The following HDAC9 variants were observed in gnomAD, a reference collection of about 807,000 sequenced individuals.
The protein encoded by HDAC9 is MEF-2 interacting transcription repressor (MITR) protein.
In HDAC9, 41 loss-of-function variants were observed where a neutral mutation model predicts 139.4. The ratio of observed to expected loss-of-function variants is 0.29; its 90% CI spans 0.23 to 0.38. The LOEUF (loss-of-function observed/expected upper bound fraction) is 0.38. HDAC9 is among the 10% of genes least tolerant of loss of function. The pLI, the probability that HDAC9 is intolerant of heterozygous loss-of-function variation, is 1.00. For synonymous variants in HDAC9, 517 were observed against 476.2 expected (o/e 1.09, Z -1.12); for missense variants, 1,147 against 1,297.0 (o/e 0.88, Z 1.78).
At chr7:18,575,023 C>T (rs961955469) in intron 2 of HDAC9, among the ~76,000 whole-genome samples, 2 of 152,240 alleles carry the variant, frequency 1.3e-5, no homozygotes, top group African/African-American at 4.8e-5. Flanking sequence ...GAGTGGGCAG[C>T]CCCCGCCCCC....
chr7:18,426,946 TTTTC>T (rs1250852316), intron 1 of HDAC9, among the ~76,000 whole-genome samples: 2 of 152,190 alleles, frequency 1.3e-5, no homozygotes, highest in Admixed American at 6.5e-5. Flanking sequence ...TCAGGGGCTG[TTTTC>T]TTTCTTTTTT....
At chr7:18,807,763 TC>T (rs1363704445) in intron 17 of HDAC9, among the ~76,000 whole-genome samples, 2 of 152,228 alleles carry the variant, frequency 1.3e-5, no homozygotes, top group Non-Finnish European at 2.9e-5. Flanking sequence ...ATTCCTAGTT[TC>T]ATACTCTTGT....
intron 1 of HDAC9, among the ~76,000 whole-genome samples, chr7:18,162,024 A>G (rs1204826319): frequency 1.3e-5 from 2 of 152,176 alleles, no homozygotes; most frequent in African/African-American, 2.4e-5. Context: ...CTCTGTTCAC[A>G]ATATTCCTGT....
intron 21 of HDAC9, among the ~76,000 whole-genome samples, chr7:18,867,320 T>C (rs934733518): frequency 2.0e-5 from 3 of 152,188 alleles, no homozygotes; most frequent in Non-Finnish European, 2.9e-5. Flanking sequence ...TCTCCTACGA[T>C]GGCATATCCA....
chr7:18,315,571 G>C (rs1040991852), intron 1 of HDAC9, among the ~76,000 whole-genome samples: 2 of 152,186 alleles, frequency 1.3e-5, no homozygotes, highest in Non-Finnish European at 2.9e-5. Context: ...CTTTAGGCTA[G>C]GATCAGAGAC....
intron 2 of HDAC9, among the ~76,000 whole-genome samples, chr7:18,575,545 A>G (rs1225418017): frequency 1.3e-5 from 2 of 152,260 alleles, no homozygotes; most frequent in African/African-American, 4.8e-5. Context: ...CCATGTTGTC[A>G]CGTGTCAGCA....
chr7:18,786,470 CG>C (rs1791738979), intron 16 of HDAC9, among the ~76,000 whole-genome samples: 257 of 20,676 alleles, frequency 0.012, no homozygotes, highest in African/African-American at 0.02. Flanking sequence ...TCCTTCCTTT[CG>C]TCCTTCCTTC....
intron 2 of HDAC9, among the ~76,000 whole-genome samples, chr7:18,572,107 G>A (rs1277836872): frequency 6.6e-6 from 1 of 151,514 alleles, no homozygotes; most frequent in African/African-American, 2.4e-5. Context: ...TGTTAGAGAA[G>A]GATATTTGCT....
chr7:18,748,111 A>C lies in HDAC9; in HGVS notation c.1910-894A>C, dbSNP rs185413668. Among the ~76,000 whole-genome samples the C allele has an allele frequency of 5.3e-5, 8 of 152,278 alleles. No homozygotes were observed. The East Asian group carries it at 1.5e-3, about 29-fold the overall frequency. ...TTTGCAAGTAACATGTTTCCACCTC[A>C]AGGAATAGGTTTATGGGTAGAAATC... is the stretch of plus-strand genomic sequence containing the variant. On this transcript the variant is annotated intron_variant, in intron 13 of 25. Transcript: ENST00000686413.
At chr7:18,086,979 C>CCGCCGCTCT (rs1583956243) in exon 1 of HDAC9, 1 of 149,484 alleles carries the variant, frequency 6.7e-6, no homozygotes, top group East Asian at 2.0e-4. Context: ...CGCGCCGCGC[C>CCGCCGCTCT]CGCCGCTCTC....
At chr7:18,813,370 G>A (rs1380328260) in intron 17 of HDAC9, among the ~76,000 whole-genome samples, 1 of 152,010 alleles carries the variant, frequency 6.6e-6, no homozygotes, top group Non-Finnish European at 1.5e-5. Flanking sequence ...TGTTACTTTG[G>A]CAGACTGAAG....
chr7:18,706,812 G>T (rs1178114), intron 12 of HDAC9, among the ~76,000 whole-genome samples: 41,284 of 152,094 alleles, frequency 0.27, 5,806 homozygotes, highest in East Asian at 0.45. Flanking sequence ...CAGAAAGCTT[G>T]GGAAGAGGAG....
At chr7:18,464,840 T>G (rs1563014725) in intron 1 of HDAC9, among the ~76,000 whole-genome samples, 1 of 152,048 alleles carries the variant, frequency 6.6e-6, no homozygotes, top group Non-Finnish European at 1.5e-5. Context: ...TCAATTTATG[T>G]CCTCTAAGAT....
chr7:18,212,111 G>T (rs1190989994), intron 2 of HDAC9, among the ~76,000 whole-genome samples: 2 of 152,120 alleles, frequency 1.3e-5, no homozygotes, highest in African/African-American at 2.4e-5. Context: ...GCATGTTTCT[G>T]TCCAGCACCT....
At chr7:18,783,059 T>C (rs982808427) in intron 16 of HDAC9, among the ~76,000 whole-genome samples, 1 of 152,092 alleles carries the variant, frequency 6.6e-6, no homozygotes, top group African/African-American at 2.4e-5. Flanking sequence ...TGTTTAAAAG[T>C]ATATTTAAAG....
At chr7:18,524,455 C>T (rs1806137730) in intron 2 of HDAC9, among the ~76,000 whole-genome samples, 2 of 152,084 alleles carry the variant, frequency 1.3e-5, no homozygotes, top group Non-Finnish European at 2.9e-5. Context: ...GAGGGGTGCT[C>T]ACTCTCTGCT....
At chr7:18,518,165 C>G (rs1803840514) in intron 2 of HDAC9, 2 of 152,204 alleles carry the variant, frequency 1.3e-5, no homozygotes, top group African/African-American at 4.8e-5. Context: ...TTGATTTACT[C>G]TCTCCCACAG....
chr7:18,691,707 T>C (rs1247803475), intron 12 of HDAC9, among the ~76,000 whole-genome samples: 1 of 152,104 alleles, frequency 6.6e-6, no homozygotes, highest in Non-Finnish European at 1.5e-5. Flanking sequence ...TAAATGGCAG[T>C]CCTTTAGAAT....
At chr7:18,513,687 GGAGA>G (rs1802286497) in intron 2 of HDAC9, among the ~76,000 whole-genome samples, 1 of 152,206 alleles carries the variant, frequency 6.6e-6, no homozygotes, top group Non-Finnish European at 1.5e-5. Flanking sequence ...CTGTCTGTGT[GGAGA>G]TAGGTAATCT....
Sources: allele counts gnomAD v4.1 joint callset (sites outside exome capture counted in the v4.1 genomes callset), GRCh38; gene constraint gnomAD v4.1.1; transcripts MANE v1.5; gene names NCBI Gene and HGNC (gene_info 2026-07-23, HGNC 2026-07-21).